WWOX: variants seen among roughly 807,000 people sequenced by gnomAD.
The protein encoded by WWOX is WW domain-containing oxidoreductase.
Under a neutral mutation model 46.2 loss-of-function variants are expected in WWOX, and 69 were observed. That is an observed-to-expected ratio of 1.49 (90% CI 1.23 to 1.82). WWOX has a LOEUF of 1.82. WWOX is among the 40% of genes most tolerant of loss of function. The pLI, the probability that WWOX is intolerant of heterozygous loss-of-function variation, is 0.00. For missense variants in WWOX, 919 were observed against 542.6 expected (o/e 1.69, Z -6.89); for synonymous variants, 359 against 202.6 (o/e 1.77, Z -6.56).
chr16:79,110,425 T>G (rs2049395262), intron 8 of WWOX, among the ~76,000 whole-genome samples: 1 of 152,128 alleles, frequency 6.6e-6, no homozygotes, highest in African/African-American at 2.4e-5. Flanking sequence ...AAGGAGCAAG[T>G]TGGAGTCCTG....
intron 8 of WWOX, among the ~76,000 whole-genome samples, chr16:79,024,396 C>G (rs143201829): frequency 2.6e-5 from 4 of 152,102 alleles, no homozygotes; most frequent in Admixed American, 6.5e-5. Flanking sequence ...GTAGCTGAGA[C>G]TACAGGTGCG....
chr16:78,969,851 G>C (rs1360415330), intron 8 of WWOX, among the ~76,000 whole-genome samples: 1 of 152,076 alleles, frequency 6.6e-6, no homozygotes, highest in East Asian at 1.9e-4. Flanking sequence ...GATGGGGCGT[G>C]GATGGAGGCA....
intron 8 of WWOX, among the ~76,000 whole-genome samples, chr16:78,893,531 C>T (rs1270595255): frequency 6.6e-6 from 1 of 152,188 alleles, no homozygotes; most frequent in African/African-American, 2.4e-5. Context: ...ACACTTCCTC[C>T]TCCACCCACT....
chr16:78,893,346 A>G (rs8050494), intron 8 of WWOX, among the ~76,000 whole-genome samples: 18,955 of 152,046 alleles, frequency 0.12, 2,578 homozygotes, highest in African/African-American at 0.33. Context: ...CCCCTCTCAC[A>G]TGGTTTGAAT....
intron 8 of WWOX, among the ~76,000 whole-genome samples, chr16:78,946,308 G>T (rs1260881813): frequency 6.6e-6 from 1 of 152,048 alleles, no homozygotes; most frequent in African/African-American, 2.4e-5. Flanking sequence ...TCCTGTCTCA[G>T]TCTCCCAAGT....
At chr16:79,037,176 A>C (rs2151404533) in intron 8 of WWOX, among the ~76,000 whole-genome samples, 1 of 152,314 alleles carries the variant, frequency 6.6e-6, no homozygotes, top group Middle Eastern at 3.4e-3. Flanking sequence ...CAGCACCATC[A>C]GAAAAGTGAC....
chr16:79,143,463 T>C (rs1281894550), intron 8 of WWOX, among the ~76,000 whole-genome samples: 1 of 152,222 alleles, frequency 6.6e-6, no homozygotes, highest in Non-Finnish European at 1.5e-5. Context: ...GTGGCTCGGC[T>C]AAGTGGATTC....
intron 8 of WWOX, among the ~76,000 whole-genome samples, chr16:79,011,092 TTACA>T (rs989455343): frequency 2.0e-5 from 3 of 151,050 alleles, no homozygotes; most frequent in Non-Finnish European, 2.9e-5. Context: ...ACATGTATCT[TTACA>T]TATGATATGT....
intron 8 of WWOX, among the ~76,000 whole-genome samples, chr16:79,014,338 G>A (rs2047371170): frequency 6.6e-6 from 1 of 152,192 alleles, no homozygotes; most frequent in South Asian, 2.1e-4. Flanking sequence ...CAGTCGGGCA[G>A]TGACATGTTA....
At chr16:79,200,377 G>T (rs1349081099) in intron 8 of WWOX, among the ~76,000 whole-genome samples, 1 of 152,170 alleles carries the variant, frequency 6.6e-6, no homozygotes, top group Non-Finnish European at 1.5e-5. Context: ...GCTACAAAGG[G>T]TATAGAGTAT....
At chr16:79,190,441 T>C (rs570194808) in intron 8 of WWOX, among the ~76,000 whole-genome samples, 1 of 152,242 alleles carries the variant, frequency 6.6e-6, no homozygotes, top group African/African-American at 2.4e-5. Flanking sequence ...GGAATATTCG[T>C]AGGTCTCTGA....
chr16:78,628,982 C>T (rs575177507), intron 8 of WWOX, among the ~76,000 whole-genome samples: 1 of 152,282 alleles, frequency 6.6e-6, no homozygotes, highest in African/African-American at 2.4e-5. Flanking sequence ...TTTCCATTCT[C>T]AGGTCTTTTA....
intron 8 of WWOX, among the ~76,000 whole-genome samples, chr16:78,818,265 G>C (rs1424690779): frequency 6.6e-6 from 1 of 152,112 alleles, no homozygotes; most frequent in Non-Finnish European, 1.5e-5. Flanking sequence ...GCACATCAGA[G>C]CCCATCTACT....
chr16:78,622,486 G>A (rs146478847), intron 8 of WWOX, among the ~76,000 whole-genome samples: 1 of 151,798 alleles, frequency 6.6e-6, no homozygotes, highest in Non-Finnish European at 1.5e-5. Context: ...GGGTTGCAGG[G>A]AGCTGAGATC....
intron 8 of WWOX, among the ~76,000 whole-genome samples, chr16:79,079,799 T>C (rs2048726728): frequency 1.3e-5 from 2 of 152,206 alleles, no homozygotes; most frequent in African/African-American, 2.4e-5. Context: ...CATGTATCTT[T>C]GGAATAAAGG....
chr16:78,178,109 CT>C (rs2035408060), intron 5 of WWOX, among the ~76,000 whole-genome samples: 1 of 152,178 alleles, frequency 6.6e-6, no homozygotes, highest in Non-Finnish European at 1.5e-5. Context: ...TCAGGAAGTG[CT>C]GACAGTGAAG....
chr16:79,016,310 T>G (rs1259899536), intron 8 of WWOX: 1 of 152,276 alleles, frequency 6.6e-6, no homozygotes, highest in Non-Finnish European at 1.5e-5. Flanking sequence ...TGAGATGCGG[T>G]GATGCTGTCA....
intron 8 of WWOX, among the ~76,000 whole-genome samples, chr16:78,558,569 G>A (rs2044360430): frequency 6.6e-6 from 1 of 152,210 alleles, no homozygotes; most frequent in Non-Finnish European, 1.5e-5. Context: ...TTCACTCATT[G>A]TAGAAATGGC....
chr16:79,209,082 A>G lies in WWOX; in HGVS notation c.1057-2526A>G, dbSNP rs574215341. ...GCCAGAGCCACTTGTGATGGAATTT[A>G]GATGGTAAATCACCCCAAGCCTAGT... is the stretch of plus-strand genomic sequence containing the variant. On this transcript the variant is annotated intron_variant, in intron 8 of 8. Coordinates refer to ENST00000566780, the MANE Select transcript of WWOX (RefSeq NM_016373.4). Among the ~76,000 whole-genome samples, 10 of 152,384 alleles carry G rather than the reference A, an allele frequency of 6.6e-5. No homozygotes were observed. In the East Asian group the frequency reaches 1.9e-3, roughly 29 times the overall value.
Sources: allele counts gnomAD v4.1 joint callset (sites outside exome capture counted in the v4.1 genomes callset), GRCh38; gene constraint gnomAD v4.1.1; transcripts MANE v1.5; gene names NCBI Gene and HGNC (gene_info 2026-07-23, HGNC 2026-07-21).